TASOR2: variants seen among roughly 807,000 people sequenced by gnomAD.
TASOR2 encodes protein TASOR 2.
Under a neutral mutation model 199.5 loss-of-function variants are expected in TASOR2, and 84 were observed. The ratio of observed to expected loss-of-function variants is 0.42; its 90% CI spans 0.35 to 0.50. The LOEUF is 0.50. Among genes scored for constraint, TASOR2 ranks in the 20% least tolerant of loss-of-function variants. The pLI is 0.02. For missense variants in TASOR2, 2,796 were observed against 2,835.9 expected (o/e 0.99, Z 0.32); for synonymous variants, 1,103 against 1,046.6 (o/e 1.05, Z -1.04).
In TASOR2 at chr10:5,751,278, C is replaced by A. The variant is rs1002742029; in HGVS notation, c.6606+1251C>A. Among the ~76,000 whole-genome samples, 1 of 152,174 alleles carries A rather than the reference C, an allele frequency of 6.6e-6. No individual in the cohort carries two copies. The highest frequency in any genetic ancestry group is 2.4e-5 in the African/African-American group (1 of 41,430). Reference sequence around the variant, plus strand: ...GACTTTTATCCACTAGATTTAACATCGACTGGTGATTCTTATCTGAATCAG... The same window carrying A: ...GACTTTTATCCACTAGATTTAACATAGACTGGTGATTCTTATCTGAATCAG... On this transcript the variant is annotated intron_variant, in intron 15 of 20. Transcript: ENST00000328090. The surrounding 1 kb of genome is among the most constrained non-coding windows in gnomAD (Gnocchi z 5.3).
In TASOR2 at chr10:5,687,127, G is replaced by T. The variant is rs775244256; in HGVS notation, c.-288+1952G>T. On this transcript the variant is annotated intron_variant, in intron 1 of 20. Coordinates refer to ENST00000328090, the Ensembl canonical transcript of TASOR2. The surrounding 1 kb of genome is among the most constrained non-coding windows in gnomAD (Gnocchi z 4.8). ...TGTCATTAATATGTACTGACAAAGC[G>T]TATCTGTGTAATAAATATGCTTTTT... Among the ~76,000 whole-genome samples, 1 of 151,980 alleles carries T rather than the reference G, an allele frequency of 6.6e-6. No individual in the cohort carries two copies. The highest frequency in any genetic ancestry group is 2.4e-5 in the African/African-American group (1 of 41,360).
chr10:5,751,631 C>T lies in TASOR2; in HGVS notation c.6606+1604C>T, dbSNP rs1047851997. Among the ~76,000 whole-genome samples, 4 of 152,122 alleles carry T rather than the reference C, an allele frequency of 2.6e-5. No individual in the cohort carries two copies. Among genetic ancestry groups the T allele is most frequent in the African/African-American group, 4.8e-5 (2 of 41,422 alleles). ...GTGTAACATAATGTTCCAGGCTTAT[C>T]GTGTATTTTCCTTGCCCTAGTCTTG... is the stretch of plus-strand genomic sequence containing the variant. On this transcript the variant is annotated intron_variant, in intron 15 of 20. Transcript: ENST00000328090. This position sits in a 1 kb window ranked among gnomAD's most constrained non-coding sequence, Gnocchi z 5.3.
In TASOR2 at chr10:5,690,336, A is replaced by T. The variant is rs1230848209; in HGVS notation, c.-288+5161A>T. 6.6e-6 allele frequency among the ~76,000 whole-genome samples: 1 copy of T among 152,196 alleles called. No homozygotes were observed. The highest frequency in any genetic ancestry group is 2.4e-5 in the African/African-American group (1 of 41,440). ...AATCGGAGAACTAAATCCCTTGCTAATATTTTGTATAAAGATTCACTACCC... is the reference window on the plus strand; with the variant it reads ...AATCGGAGAACTAAATCCCTTGCTATTATTTTGTATAAAGATTCACTACCC... On this transcript the variant is annotated intron_variant, in intron 1 of 20. Transcript: ENST00000328090. The surrounding 1 kb of genome is among the most constrained non-coding windows in gnomAD (Gnocchi z 4.8).
rs1838640168 is a variant in TASOR2 at position 5,754,802 on chromosome 10, G to A, written c.6607-1811G>A. Among the ~76,000 whole-genome samples the A allele has an allele frequency of 6.6e-6, 1 of 152,128 alleles. No individual in the cohort carries two copies. Among genetic ancestry groups the A allele is most frequent in the African/African-American group, 2.4e-5 (1 of 41,430 alleles). On this transcript the variant is annotated intron_variant, in intron 15 of 20. Transcript: ENST00000328090. The surrounding 1 kb of genome is among the most constrained non-coding windows in gnomAD (Gnocchi z 4.3). The stretch of plus-strand genomic sequence containing the variant: ...CTCACGCCTGTAATCCCAGCACTTT[G>A]GGAGGCCGAGGTGGGCGGATCACAA...
Position 5,690,201 on chromosome 10 carries a change from G to A in TASOR2, c.-288+5026G>A, listed in dbSNP as rs1384959779. On this transcript the variant is annotated intron_variant, in intron 1 of 20. Coordinates refer to ENST00000328090, the Ensembl canonical transcript of TASOR2. This position sits in a 1 kb window ranked among gnomAD's most constrained non-coding sequence, Gnocchi z 4.8. ...CAAATAACCAGCTTTTGCTTTTATT[G>A]CTTGGCTTAGTTGGCTTTTTTAATT... Among the ~76,000 whole-genome samples, 1 of 151,836 alleles carries A rather than the reference G, an allele frequency of 6.6e-6. No individual in the cohort carries two copies. The highest frequency in any genetic ancestry group is 1.9e-4 in the East Asian group (1 of 5,182).
intron 19 of TASOR2, 90 bp from the exon 21 acceptor site, chr10:5,762,440 CCA>C (rs1337886273): frequency 1.6e-5 from 6 of 378,930 alleles, no homozygotes; most frequent in African/African-American, 8.6e-5. Flanking sequence ...CGAGGAAGTT[CCA>C]CAGATTTTTT....
At position 5,720,592 on chromosome 10, in the gene TASOR2, C is replaced by T; in HGVS notation, c.-51C>T. 1 of 1,612,958 alleles carries T rather than the reference C, an allele frequency of 6.2e-7. No individual in the cohort carries two copies. Among genetic ancestry groups the T allele is most frequent in the Admixed American group, 1.7e-5 (1 of 59,850 alleles). On this transcript the variant is annotated 5_prime_UTR_variant, in exon 4 of 21. Transcript: ENST00000328090. This position sits in a 1 kb window ranked among gnomAD's most constrained non-coding sequence, Gnocchi z 5.3. ...CAACACCGTTATTGAACGACCCAGA[C>T]AGATCTGTCCTTATGTAATTGTAGC...
chr10:5,738,433 A>G lies in TASOR2; in HGVS notation c.1448-1185A>G, dbSNP rs1835921697. 6.6e-6 allele frequency among the ~76,000 whole-genome samples: 1 copy of G among 152,250 alleles called. No individual in the cohort carries two copies. Among genetic ancestry groups the G allele is most frequent in the African/African-American group, 2.4e-5 (1 of 41,472 alleles). ...AATATTAACAAAGAATGAAATTAGC[A>G]TCAGATCACAAAATTAATTTTATGT... On this transcript the variant is annotated intron_variant, in intron 12 of 20. Transcript: ENST00000328090. This position sits in a 1 kb window ranked among gnomAD's most constrained non-coding sequence, Gnocchi z 4.7.
intron 11 of TASOR2, among the ~76,000 whole-genome samples, chr10:5,732,997 A>C (rs980244145): frequency 6.6e-6 from 1 of 152,210 alleles, no homozygotes; most frequent in African/African-American, 2.4e-5. Context: ...TTCCAGGCCA[A>C]CCATACTGTT....
In TASOR2 at chr10:5,687,070, CCTTTT is replaced by C. The variant is rs572669134; in HGVS notation, c.-288+1900_-288+1904del. Among the ~76,000 whole-genome samples the C allele has an allele frequency of 4.6e-5, 7 of 152,090 alleles. No individual in the cohort carries two copies. In the South Asian group the frequency reaches 1.5e-3, roughly 32 times the overall value. On this transcript the variant is annotated intron_variant, in intron 1 of 20. Coordinates refer to ENST00000328090, the Ensembl canonical transcript of TASOR2. The surrounding 1 kb of genome is among the most constrained non-coding windows in gnomAD (Gnocchi z 4.8). ...CCTTCTAAGAGAATATGTACATCTC[CCTTTT>C]CTTTAAAAATTTTTTATTGTGAAAT...
chr10:5,736,446 G>A (rs962282367), intron 12 of TASOR2, among the ~76,000 whole-genome samples: 1 of 151,504 alleles, frequency 6.6e-6, no homozygotes, highest in Admixed American at 6.6e-5. Context: ...GAGAGACGGG[G>A]TTTCACCATG....
At chr10:5,726,213 CT>C (rs1834045739) in intron 8 of TASOR2, among the ~76,000 whole-genome samples, 1 of 152,170 alleles carries the variant, frequency 6.6e-6, no homozygotes. Flanking sequence ...AGAACAACAG[CT>C]TTTAGACAAC....
At chr10:5,753,517 C>T (rs1838377126) in intron 15 of TASOR2, among the ~76,000 whole-genome samples, 1 of 152,190 alleles carries the variant, frequency 6.6e-6, no homozygotes, top group African/African-American at 2.4e-5. Context: ...CGCCCGCCAC[C>T]ATGCCCAGCT....
At chr10:5,745,757 C>A (rs1025445103) in intron 14 of TASOR2, among the ~76,000 whole-genome samples, 2 of 151,436 alleles carry the variant, frequency 1.3e-5, no homozygotes, top group South Asian at 4.2e-4. Context: ...GCAGCCTGTT[C>A]GATAAAGCAA....
intron 11 of TASOR2, among the ~76,000 whole-genome samples, chr10:5,734,098 C>G (rs1835227193): frequency 1.3e-5 from 2 of 152,112 alleles, no homozygotes; most frequent in African/African-American, 4.8e-5. Context: ...GTAGCGTCTT[C>G]TGTATAATGT....
At position 5,748,255 on chromosome 10, in the gene TASOR2, A is replaced by G. The variant is rs367550295; in HGVS notation, c.4834A>G (p.Lys1612Glu). ...GTCAGTAAAACAGCAGACTAGCCCT[A>G]AAAGCAGTCAGAACCATCTCTTTCC... Residue 1612 changes from lysine to glutamate, a missense_variant, in exon 15 of 21, where the codon AAA (lysine) becomes GAA (glutamate). Lys to Glu is a moderately conservative substitution (Grantham distance 56, BLOSUM62 1). Around this residue, in one of 3 missense-constraint regions of TASOR2, gnomAD observed 1,941 missense variants for 1,924.9 expected, o/e 1.01. Coordinates refer to ENST00000328090, the Ensembl canonical transcript of TASOR2. The surrounding 1 kb of genome is among the most constrained non-coding windows in gnomAD (Gnocchi z 5.1). 1.9e-5 allele frequency: 31 copies of G among 1,614,126 alleles called. No individual in the cohort carries two copies. In the African/African-American group the frequency reaches 3.6e-4, roughly 19 times the overall value.
chr10:5,752,688 C>T lies in TASOR2; in HGVS notation c.6606+2661C>T, dbSNP rs1811171086. Among the ~76,000 whole-genome samples, 2 of 152,218 alleles carry T rather than the reference C, an allele frequency of 1.3e-5. No homozygotes were observed. Among genetic ancestry groups the T allele is most frequent in the Admixed American group, 6.5e-5 (1 of 15,290 alleles). ...CTCATCTGGAGTACTAAGGCCACTG[C>T]AGAAACCACAGAGCTGCATAAAGAT... On this transcript the variant is annotated intron_variant, in intron 15 of 20. Transcript: ENST00000328090. This position sits in a 1 kb window ranked among gnomAD's most constrained non-coding sequence, Gnocchi z 4.4.
rs149621482 is a variant in TASOR2, at chr10:5,733,337, G to A, written c.1205-1967G>A. Among the ~76,000 whole-genome samples the A allele has an allele frequency of 5.9e-5, 9 of 152,116 alleles. No individual in the cohort carries two copies. In the East Asian group the frequency reaches 7.7e-4, roughly 13 times the overall value. On this transcript the variant is annotated intron_variant, in intron 11 of 20. Transcript: ENST00000328090. ...TGCCTGGCCAACATGGTGAAACCCC[G>A]TCTCTACTAAAAACACAAAAAATAG...
At chr10:5,762,425 T>A in intron 19 of TASOR2, 107 bp from the exon 21 acceptor site, 2 of 389,670 alleles carry the variant, frequency 5.1e-6, no homozygotes, top group African/African-American at 4.2e-5. Context: ...CCCCTACCCC[T>A]CACACGAGGA....
Sources: allele counts gnomAD v4.1 joint callset (sites outside exome capture counted in the v4.1 genomes callset), GRCh38; gene constraint gnomAD v4.1.1; regional missense constraint gnomAD v4.1.1; non-coding constraint Gnocchi (gnomAD v3.1); transcripts MANE v1.5; gene names NCBI Gene and HGNC (gene_info 2026-07-23, HGNC 2026-07-21).